The following GPR39 variants were observed in gnomAD, a reference collection of about 807,000 sequenced individuals.
The protein encoded by GPR39 is zinc sensing receptor.
In GPR39, 23 loss-of-function variants were observed where a neutral mutation model predicts 18.4. The observed-to-expected ratio is 1.25, with a 90% CI of 0.90 to 1.77. The LOEUF is 1.77. Ranked by LOEUF, GPR39 falls within the 40% of genes most tolerant of loss-of-function variation. The probability of loss-of-function intolerance (pLI) is 0.00; values close to 1 mark genes in which losing one functional copy is unlikely to be tolerated. For synonymous variants in GPR39, 280 were observed against 257.9 expected (o/e 1.09, Z -0.82); for missense variants, 647 against 602.4 (o/e 1.07, Z -0.78).
intron 1 of GPR39, among the ~76,000 whole-genome samples, chr2:132,546,860 AAAAAAG>A (rs1402454756): frequency 1.4e-5 from 2 of 147,468 alleles, no homozygotes; most frequent in African/African-American, 5.2e-5. Context: ...AAAAAAAAAA[AAAAAAG>A]AGGCATCATA....
intron 1 of GPR39, among the ~76,000 whole-genome samples, chr2:132,547,218 T>C (rs191331070): frequency 2.0e-4 from 31 of 152,254 alleles, no homozygotes; most frequent in African/African-American, 7.2e-4. Flanking sequence ...GAAAAGGAAT[T>C]GATAAGTAAT....
chr2:132,473,099 T>G (rs1681063772), intron 1 of GPR39, among the ~76,000 whole-genome samples: 1 of 152,184 alleles, frequency 6.6e-6, no homozygotes, highest in Non-Finnish European at 1.5e-5. Context: ...AATCACCGGG[T>G]AAATAAATTT....
intron 1 of GPR39, among the ~76,000 whole-genome samples, chr2:132,566,541 T>G (rs979467523): frequency 2.0e-5 from 3 of 152,166 alleles, no homozygotes; most frequent in Non-Finnish European, 4.4e-5. Flanking sequence ...CTCTAGGAGT[T>G]TTGTCCTAGG....
intron 1 of GPR39, among the ~76,000 whole-genome samples, chr2:132,471,087 A>T (rs1681022452): frequency 6.6e-6 from 1 of 152,160 alleles, no homozygotes; most frequent in South Asian, 2.1e-4. Flanking sequence ...TGAGCACTGC[A>T]ATCCCAGGGC....
chr2:132,427,146 A>G (rs1184050013), intron 1 of GPR39, among the ~76,000 whole-genome samples: 3 of 76,884 alleles, frequency 3.9e-5, no homozygotes, highest in Non-Finnish European at 7.5e-5. Flanking sequence ...ATATATATAT[A>G]TATATATATA....
At chr2:132,524,601 G>C (rs1292832634) in intron 1 of GPR39, among the ~76,000 whole-genome samples, 1 of 152,184 alleles carries the variant, frequency 6.6e-6, no homozygotes, top group Non-Finnish European at 1.5e-5. Context: ...ACATGATGCT[G>C]TCAGCATCTT....
chr2:132,589,134 A>G (rs917547087), intron 1 of GPR39, among the ~76,000 whole-genome samples: 3 of 152,160 alleles, frequency 2.0e-5, no homozygotes, highest in Non-Finnish European at 2.9e-5. Flanking sequence ...CTGTTCCAAG[A>G]TTGTTATGTA....
chr2:132,571,028 G>A (rs1034786145), intron 1 of GPR39, among the ~76,000 whole-genome samples: 13 of 152,170 alleles, frequency 8.5e-5, no homozygotes, highest in Admixed American at 2.0e-4. Flanking sequence ...TTTTGTGTAT[G>A]GGAGCTCGAA....
intron 1 of GPR39, among the ~76,000 whole-genome samples, chr2:132,583,118 G>T (rs1432740855): frequency 6.6e-6 from 1 of 151,592 alleles, no homozygotes; most frequent in Non-Finnish European, 1.5e-5. Context: ...TTGCTATGTT[G>T]CCCAGGCTGG....
At chr2:132,614,782 C>G (rs1466025160) in intron 1 of GPR39, among the ~76,000 whole-genome samples, 6 of 152,096 alleles carry the variant, frequency 3.9e-5, no homozygotes, top group Non-Finnish European at 8.8e-5. Context: ...GAACTCCTGA[C>G]CACCTGCCTC....
chr2:132,605,195 G>A (rs575567855), intron 1 of GPR39, among the ~76,000 whole-genome samples: 2 of 152,286 alleles, frequency 1.3e-5, no homozygotes, highest in Admixed American at 6.5e-5. Flanking sequence ...TGTTGGATGT[G>A]CATATTGTAG....
At chr2:132,432,135 A>G (rs1426465975) in intron 1 of GPR39, among the ~76,000 whole-genome samples, 1 of 152,180 alleles carries the variant, frequency 6.6e-6, no homozygotes, top group East Asian at 1.9e-4. Context: ...TCGAAATACC[A>G]TAAACTGGGT....
intron 1 of GPR39, among the ~76,000 whole-genome samples, chr2:132,614,281 A>AC (rs966486434): frequency 4.5e-4 from 68 of 152,034 alleles, no homozygotes; most frequent in African/African-American, 1.6e-3. Context: ...ATCTCGGCTC[A>AC]CTGCAACCTC....
intron 1 of GPR39, among the ~76,000 whole-genome samples, chr2:132,478,424 A>T (rs1178408616): frequency 2.0e-5 from 3 of 152,230 alleles, no homozygotes; most frequent in Non-Finnish European, 4.4e-5. Context: ...CAAGCTAATG[A>T]TCTCCATAGG....
intron 1 of GPR39, among the ~76,000 whole-genome samples, chr2:132,465,632 A>G (rs1680914472): frequency 6.6e-6 from 1 of 152,210 alleles, no homozygotes; most frequent in Non-Finnish European, 1.5e-5. Flanking sequence ...TGGAGTTGTC[A>G]AACATGCTAA....
chr2:132,593,300 G>A (rs963734513), intron 1 of GPR39, among the ~76,000 whole-genome samples: 1 of 152,126 alleles, frequency 6.6e-6, no homozygotes, highest in East Asian at 1.9e-4. Flanking sequence ...CTCCCTCCTA[G>A]AGGTCAGGCA....
At chr2:132,627,818 C>T (rs1681579504) in intron 1 of GPR39, among the ~76,000 whole-genome samples, 1 of 152,216 alleles carries the variant, frequency 6.6e-6, no homozygotes, top group Non-Finnish European at 1.5e-5. Context: ...AGCTGCCCAG[C>T]TGGACAACCT....
intron 1 of GPR39, among the ~76,000 whole-genome samples, chr2:132,437,589 G>A (rs191951788): frequency 5.4e-4 from 82 of 152,298 alleles, no homozygotes; most frequent in African/African-American, 1.9e-3. Flanking sequence ...TCTACTTTGT[G>A]TCATAATAGT....
chr2:132,571,545 TTAAAA>T (rs1387050507), intron 1 of GPR39, among the ~76,000 whole-genome samples: 1 of 152,084 alleles, frequency 6.6e-6, no homozygotes, highest in Non-Finnish European at 1.5e-5. Flanking sequence ...AAATGGGCAA[TTAAAA>T]TAAAACAGTT....
Sources: gnomAD v4.1 joint callset for allele counts (sites outside exome capture counted in the v4.1 genomes callset) on GRCh38, gnomAD v4.1.1 for gene constraint, MANE v1.5 for transcripts, NCBI Gene and HGNC (gene_info 2026-07-23, HGNC 2026-07-21) for gene names.